The following CGNL1 variants were observed in gnomAD, a reference collection of about 807,000 sequenced individuals.
CGNL1 encodes the protein cingulin-like protein 1.
Under a neutral mutation model 141.2 loss-of-function variants are expected in CGNL1, and 132 were observed. The ratio of observed to expected loss-of-function variants is 0.93; its 90% CI spans 0.81 to 1.08. CGNL1 has a LOEUF of 1.08. Ranked by LOEUF, CGNL1 falls within the 50% of genes least tolerant of loss-of-function variation. The pLI is 0.00. For synonymous variants in CGNL1, 690 were observed against 622.1 expected, an observed-to-expected ratio of 1.11 and a Z score of -1.63; for missense variants, 1,870 against 1,588.6, an observed-to-expected ratio of 1.18 and a Z score of -3.01.
At chr15:57,484,160 A>G (rs1250529038) in intron 8 of CGNL1, among the ~76,000 whole-genome samples, 1 of 152,162 alleles carries the variant, frequency 6.6e-6, no homozygotes, top group Non-Finnish European at 1.5e-5. Flanking sequence ...TATTTTCTGG[A>G]AGAGATTGTG....
rs773025581 is a variant in CGNL1, at chr15:57,440,384, C to T, written c.1610C>T (p.Pro537Leu). ...ACAGGCCTTATGTTCCAGGCCACACCGGATCTCTTAAAGGGCCAGCAAGAG... is the reference window on the plus strand; with the variant it reads ...ACAGGCCTTATGTTCCAGGCCACACTGGATCTCTTAAAGGGCCAGCAAGAG... ...FPSASNTQAT[P>L]DLLKGQQELT... Residue 537 changes from proline to leucine, a missense_variant, in exon 3 of 19, where the codon CCG becomes CTG. Coordinates refer to ENST00000281282, the MANE Select transcript of CGNL1 (RefSeq NM_032866.5). 10 of 1,598,758 alleles carry T rather than the reference C, an allele frequency of 6.3e-6. No individual in the cohort carries two copies. Among genetic ancestry groups the T allele is most frequent in the East Asian group, 4.5e-5 (2 of 44,656 alleles).
rs549608396 is a variant in CGNL1, at chr15:57,521,129, A to G, written c.2716-2360A>G. On this transcript the variant is annotated intron_variant, in intron 10 of 18. Transcript: ENST00000281282. ...GTAGCTACAGAGCGTTTCACTCCTG[A>G]TACTGTCCACATGAAGGGTCGGAAA... Among the ~76,000 whole-genome samples, 32 of 152,096 alleles carry G rather than the reference A, an allele frequency of 2.1e-4. No homozygotes were observed. In the South Asian group the frequency reaches 6.4e-3, roughly 31 times the overall value.
chr15:57,428,215 C>T (rs2063001367), intron 1 of CGNL1, among the ~76,000 whole-genome samples: 1 of 152,174 alleles, frequency 6.6e-6, no homozygotes. Context: ...CCACAGCCCT[C>T]CAGTGACCAT....
rs796944018 is a variant in CGNL1, at chr15:57,413,185, CTCTCTT to C, written c.-15-24788_-15-24783del. ...CTTCTCCTTCTTTCTTTCTTTCTTT[CTCTCTT>C]TCTCTTTCTCTCTTTCTCTCTTCCT... On this transcript the variant is annotated intron_variant, in intron 1 of 18. Coordinates refer to ENST00000281282, the MANE Select transcript of CGNL1 (RefSeq NM_032866.5). Among the ~76,000 whole-genome samples, 363 of 150,820 alleles carry C rather than the reference CTCTCTT, an allele frequency of 2.4e-3. 4 individuals are homozygous for C. The highest frequency in any genetic ancestry group is 8.0e-3 in the African/African-American group (326 of 40,896).
intron 5 of CGNL1, among the ~76,000 whole-genome samples, 171 bp downstream of exon 5, chr15:57,451,772 AT>A (rs1282084983): frequency 3.5e-4 from 52 of 149,440 alleles, no homozygotes; most frequent in Middle Eastern, 6.9e-3. Flanking sequence ...TGTCCAAAGA[AT>A]TTTTTTTTTT....
intron 7 of CGNL1, among the ~76,000 whole-genome samples, chr15:57,457,290 C>T (rs1567130538): frequency 3.9e-5 from 6 of 152,126 alleles, no homozygotes; most frequent in South Asian, 4.1e-4. Flanking sequence ...TTGCCGTTCT[C>T]GACATCCTGG....
chr15:57,399,901 C>G (rs2062640827), intron 1 of CGNL1, among the ~76,000 whole-genome samples: 2 of 152,030 alleles, frequency 1.3e-5, no homozygotes, highest in Non-Finnish European at 2.9e-5. Flanking sequence ...TCTTATTAAT[C>G]TTATTTATTA....
At chr15:57,513,139 G>A (rs1231426828) in intron 8 of CGNL1, among the ~76,000 whole-genome samples, 1 of 151,856 alleles carries the variant, frequency 6.6e-6, no homozygotes, top group African/African-American at 2.4e-5. Flanking sequence ...GTCACTCCTG[G>A]CCCCTTCCCC....
chr15:57,439,620 C>G lies in CGNL1; in HGVS notation c.1602+19C>G, dbSNP rs540169558. The stretch of plus-strand genomic sequence containing the variant: ...TACTCAGGTAACACTAGTGCGATTC[C>G]TGTTTGGTTTTTTTTCTCTTCCTTC... On this transcript the variant is annotated intron_variant, in intron 2 of 18. Coordinates refer to ENST00000281282, the MANE Select transcript of CGNL1 (RefSeq NM_032866.5). The G allele has an allele frequency of 1.2e-5, 19 of 1,601,752 alleles. No individual in the cohort carries two copies. In the Admixed American group the frequency reaches 1.5e-4, roughly 13 times the overall value.
chr15:57,429,585 A>G (rs2063020232), intron 1 of CGNL1, among the ~76,000 whole-genome samples: 1 of 152,230 alleles, frequency 6.6e-6, no homozygotes, highest in Non-Finnish European at 1.5e-5. Context: ...TTATTCACCC[A>G]ACAAATATTT....
chr15:57,517,777 G>T (rs2030929589), intron 9 of CGNL1, among the ~76,000 whole-genome samples: 1 of 152,150 alleles, frequency 6.6e-6, no homozygotes, highest in Non-Finnish European at 1.5e-5. Flanking sequence ...ATTCATAAGG[G>T]CAGAGCCCTC....
chr15:57,532,195 G>C (rs2031990713), intron 14 of CGNL1, among the ~76,000 whole-genome samples: 1 of 152,194 alleles, frequency 6.6e-6, no homozygotes, highest in African/African-American at 2.4e-5. Context: ...ATCATTAGAA[G>C]TTTCTACATG....
intron 8 of CGNL1, among the ~76,000 whole-genome samples, chr15:57,484,902 G>C (rs1254027129): frequency 6.6e-6 from 1 of 151,556 alleles, no homozygotes; most frequent in South Asian, 2.1e-4. Flanking sequence ...TCTTTTAAAA[G>C]AATCAGTTTC....
Position 57,438,571 on chromosome 15 carries a change from G to A in CGNL1, c.572G>A (p.Cys191Tyr), listed in dbSNP as rs1308594260. The stretch of plus-strand genomic sequence containing the variant: ...ATCAACAATAAGAAGCCTTGGACTT[G>A]CTTTCCCAAACCTAGCAATTCCCAG... ...EGINNKKPWT[C>Y]FPKPSNSQPT... Residue 191 changes from cysteine (C) to tyrosine (Y), a missense_variant, in exon 2 of 19, where the codon TGC becomes TAC. By Grantham distance (194) the Cys-to-Tyr change is radical (BLOSUM62 -2). Transcript: ENST00000281282. The A allele has an allele frequency of 3.1e-6, 5 of 1,613,488 alleles. No homozygotes were observed. The African/African-American group carries it at 4.0e-5, about 13-fold the overall frequency.
intron 8 of CGNL1, among the ~76,000 whole-genome samples, chr15:57,487,614 G>T (rs1330411295): frequency 6.6e-6 from 1 of 152,186 alleles, no homozygotes; most frequent in Non-Finnish European, 1.5e-5. Context: ...ATTTTAAAAA[G>T]ATCCATGTTG....
At chr15:57,397,727 A>AT (rs1282320386) in intron 1 of CGNL1, among the ~76,000 whole-genome samples, 2 of 150,918 alleles carry the variant, frequency 1.3e-5, no homozygotes, top group Non-Finnish European at 2.9e-5. Context: ...TGTAGTCTTC[A>AT]TTACTATTTT....
intron 4 of CGNL1, among the ~76,000 whole-genome samples, chr15:57,451,066 T>C (rs549129387): frequency 4.6e-5 from 7 of 152,370 alleles, no homozygotes; most frequent in African/African-American, 1.7e-4. Flanking sequence ...TGCTGATTTT[T>C]TGCTAACCAT....
chr15:57,382,168 C>T (rs1360846629), intron 1 of CGNL1, among the ~76,000 whole-genome samples: 2 of 152,188 alleles, frequency 1.3e-5, no homozygotes, highest in Non-Finnish European at 2.9e-5. Flanking sequence ...GTAATTACCT[C>T]AAGCTCTTAA....
chr15:57,548,611 C>T lies in CGNL1; in HGVS notation c.*1121C>T, dbSNP rs1317619988. 6.6e-6 allele frequency: 1 copy of T among 152,204 alleles called. No individual in the cohort carries two copies. The highest frequency in any genetic ancestry group is 1.5e-5 in the Non-Finnish European group (1 of 68,074). 9.4% of individuals were successfully genotyped at this position (152,204 alleles called of 1,614,324 possible). ...TTTCTGAACTGTTCTGAGACCTGTTCCCAGTCACTGATTGCAATTTCTTTT... is the reference window on the plus strand; with the variant it reads ...TTTCTGAACTGTTCTGAGACCTGTTTCCAGTCACTGATTGCAATTTCTTTT... On this transcript the variant is annotated 3_prime_UTR_variant, in exon 19 of 19. Transcript: ENST00000281282.
Sources: allele counts gnomAD v4.1 joint callset (sites outside exome capture counted in the v4.1 genomes callset), GRCh38; gene constraint gnomAD v4.1.1; transcripts MANE v1.5; gene names NCBI Gene and HGNC (gene_info 2026-07-23, HGNC 2026-07-21).